Variants in SCAF4 observed in about 807,000 individuals in gnomAD.
The protein encoded by SCAF4 is SR-related CTD associated factor 4, also known as SR-related and CTD-associated factor 4.
A neutral mutation model predicts 129.8 loss-of-function variants in SCAF4; 25 were observed. The observed-to-expected ratio is 0.19, with a 90% CI of 0.14 to 0.27. The LOEUF is 0.27. Ranked by LOEUF, SCAF4 falls within the 10% of genes least tolerant of loss-of-function variation. The probability of loss-of-function intolerance (pLI) is 1.00; values close to 1 mark genes in which losing one functional copy is unlikely to be tolerated. For missense variants in SCAF4, 1,246 were observed against 1,457.1 expected (o/e 0.86, Z 2.36); for synonymous variants, 551 against 497.7 (o/e 1.11, Z -1.43).
At chr21:31,680,551 TTAAA>T (rs1417177160) in intron 19 of SCAF4, among the ~76,000 whole-genome samples, 23 of 152,206 alleles carry the variant, frequency 1.5e-4, no homozygotes, top group Non-Finnish European at 2.8e-4. Flanking sequence ...GGGTACCAAA[TTAAA>T]TACCTGATAT....
chr21:31,729,051 T>C (rs970732582), intron 1 of SCAF4, among the ~76,000 whole-genome samples: 1 of 152,202 alleles, frequency 6.6e-6, no homozygotes, highest in East Asian at 1.9e-4. Flanking sequence ...GTTTTACTTA[T>C]CTTTCCTACC....
At chr21:31,692,644 G>T (rs1159220462) in intron 12 of SCAF4, among the ~76,000 whole-genome samples, 195 bp from the exon 13 acceptor site, 1 of 152,182 alleles carries the variant, frequency 6.6e-6, no homozygotes. Flanking sequence ...CTGGGATAGT[G>T]AAAGATATAC....
intron 1 of SCAF4, among the ~76,000 whole-genome samples, chr21:31,727,914 C>A (rs1478601899): frequency 3.0e-5 from 2 of 66,944 alleles, no homozygotes; most frequent in African/African-American, 1.3e-4. Flanking sequence ...ATAACTGATA[C>A]TTTTTCACTA....
chr21:31,717,716 A>T (rs539859632), intron 1 of SCAF4, among the ~76,000 whole-genome samples: 1 of 151,740 alleles, frequency 6.6e-6, no homozygotes, highest in African/African-American at 2.4e-5. Flanking sequence ...TTAAAAAATT[A>T]AATTAAAAAC....
chr21:31,692,832 A>T (rs1417112737), intron 12 of SCAF4, among the ~76,000 whole-genome samples: 1 of 152,196 alleles, frequency 6.6e-6, no homozygotes, highest in Non-Finnish European at 1.5e-5. Flanking sequence ...ACTTGCATGT[A>T]ACTGTCCTTT....
intron 19 of SCAF4, among the ~76,000 whole-genome samples, chr21:31,680,578 T>A (rs968843008): frequency 2.0e-5 from 3 of 152,234 alleles, no homozygotes; most frequent in African/African-American, 7.2e-5. Flanking sequence ...CACTCTAGCT[T>A]ATAATTTAAT....
At chr21:31,702,647 T>A (rs1451779753) in intron 4 of SCAF4, among the ~76,000 whole-genome samples, 1 of 152,204 alleles carries the variant, frequency 6.6e-6, no homozygotes, top group Non-Finnish European at 1.5e-5. Flanking sequence ...CATTTTATTT[T>A]ACTTATGGTT....
At chr21:31,717,794 C>CA (rs1231162833) in intron 1 of SCAF4, among the ~76,000 whole-genome samples, 97 of 97,206 alleles carry the variant, frequency 1.0e-3, no homozygotes, top group Middle Eastern at 6.3e-3. Context: ...ATACACTGTG[C>CA]AAAAAAAAAA....
chr21:31,701,386 T>C (rs946751489), intron 6 of SCAF4, among the ~76,000 whole-genome samples: 6 of 152,182 alleles, frequency 3.9e-5, no homozygotes, highest in Non-Finnish European at 7.4e-5. Context: ...ATGCTGACAA[T>C]GTCAATGATA....
rs1416851195 is a variant in SCAF4 at position 31,701,796 on chromosome 21, G to C, written c.580C>G (p.Gln194Glu). The change falls in exon 6 of 20, where the codon CAG (glutamine) becomes GAG (glutamate). Residue 194 changes from glutamine (Q) to glutamate (E), a missense_variant. By Grantham distance (29) the Gln-to-Glu change is conservative (BLOSUM62 2). This residue lies in a region of SCAF4 where 143 missense variants were observed against 161.0 expected (regional missense o/e 0.89). Transcript: ENST00000286835. ...TTTACCTGTTGGCCTTGAGTTGTCT[G>C]AAACAGCTGAGCCACAGCAGCAAAA... ...DAFAAVAQLF[Q>E]TTQGQQLQQI... is the part of the protein sequence containing the mutation. 1.2e-6 allele frequency: 2 copies of C among 1,611,876 alleles called. No homozygotes were observed. The highest frequency in any genetic ancestry group is 1.1e-5 in the South Asian group (1 of 90,352).
intron 9 of SCAF4, among the ~76,000 whole-genome samples, chr21:31,695,328 T>C (rs938419801): frequency 6.6e-5 from 10 of 152,054 alleles, no homozygotes; most frequent in Non-Finnish European, 1.5e-4. Context: ...TTAAAGACAA[T>C]TAAGCCTTTT....
chr21:31,694,558 C>A lies in SCAF4; in HGVS notation c.1236+255G>T, dbSNP rs1051273710. ...TTAAATTACATACCATTTTAATAAA[C>A]CATTATCTAATGCAGTGAAGTAGGC... On this transcript the variant is annotated intron_variant, in intron 10 of 19. Coordinates refer to ENST00000286835, the MANE Select transcript of SCAF4 (RefSeq NM_020706.2). Among the ~76,000 whole-genome samples the A allele has an allele frequency of 5.2e-4, 79 of 152,206 alleles. 1 individual carries two copies. The highest frequency in any genetic ancestry group is 1.8e-3 in the African/African-American group (73 of 41,528).
intron 19 of SCAF4, among the ~76,000 whole-genome samples, chr21:31,680,346 C>T (rs2049967545): frequency 6.6e-6 from 1 of 152,196 alleles, no homozygotes; most frequent in Non-Finnish European, 1.5e-5. Context: ...AGATTAATCA[C>T]TATTTTGCAT....
In SCAF4 at chr21:31,671,762, G is replaced by C; in HGVS notation, c.3081C>G (p.Asn1027Lys). 4 of 1,614,000 alleles carry C rather than the reference G, an allele frequency of 2.5e-6. No homozygotes were observed. Among genetic ancestry groups the C allele is most frequent in the Non-Finnish European group, 3.4e-6 (4 of 1,179,918 alleles). The change falls in exon 20 of 20, where the codon AAC (asparagine) becomes AAG (lysine). Residue 1027 changes from asparagine (N) to lysine (K), a missense_variant. By Grantham distance (94) the Asn-to-Lys change is moderately conservative. This residue lies in a region of SCAF4 where 339 missense variants were observed against 325.0 expected (regional missense o/e 1.04). Coordinates refer to ENST00000286835, the MANE Select transcript of SCAF4 (RefSeq NM_020706.2). The part of the protein sequence containing the change: ...GNRNDDRDNS[N>K]RDRREWGRRS... ...TCCTTCCCCACTCTCTCCTGTCACG[G>C]TTACTATTATCTCTATCATCATTAC...
chr21:31,715,703 G>A (rs17577940), intron 1 of SCAF4, among the ~76,000 whole-genome samples: 5,127 of 152,200 alleles, frequency 0.034, 131 homozygotes, highest in Non-Finnish European at 0.048. Context: ...CATTTGGTAT[G>A]CTTTCCTCCA....
At chr21:31,728,838 A>C (rs1244384503) in intron 1 of SCAF4, among the ~76,000 whole-genome samples, 1 of 152,194 alleles carries the variant, frequency 6.6e-6, no homozygotes, top group Non-Finnish European at 1.5e-5. Context: ...TTCCACAATT[A>C]ACCTGTTCAA....
At chr21:31,723,740 T>A (rs934871016) in intron 1 of SCAF4, among the ~76,000 whole-genome samples, 11 of 152,122 alleles carry the variant, frequency 7.2e-5, no homozygotes, top group Non-Finnish European at 1.5e-4. Flanking sequence ...GGGTGTGTTT[T>A]AAAAAAATCT....
At chr21:31,729,181 G>A (rs1421072929) in intron 1 of SCAF4, among the ~76,000 whole-genome samples, 3 of 152,170 alleles carry the variant, frequency 2.0e-5, no homozygotes, top group Admixed American at 6.5e-5. Flanking sequence ...AACACATTAG[G>A]CAAACATGAA....
intron 19 of SCAF4, among the ~76,000 whole-genome samples, chr21:31,676,671 A>G (rs1259274260): frequency 6.6e-6 from 1 of 152,140 alleles, no homozygotes; most frequent in African/African-American, 2.4e-5. Context: ...GTCTACTCTT[A>G]GTTGTTTTGT....
Sources: allele counts gnomAD v4.1 joint callset (sites outside exome capture counted in the v4.1 genomes callset), GRCh38; gene constraint gnomAD v4.1.1; regional missense constraint gnomAD v4.1.1; transcripts MANE v1.5; gene names NCBI Gene and HGNC (gene_info 2026-07-23, HGNC 2026-07-21).